The following LRRC27 variants were observed in gnomAD, a reference collection of about 807,000 sequenced individuals.
The protein encoded by LRRC27 is leucine-rich repeat-containing protein 27.
LRRC27 carries 57 observed loss-of-function variants against 55.0 expected under a neutral mutation model. The observed-to-expected ratio is 1.04, with a 90% confidence interval of 0.84 to 1.29. The LOEUF (loss-of-function observed/expected upper bound fraction) is 1.29. Ranked by LOEUF, LRRC27 falls within the 50% of genes most tolerant of loss-of-function variation. The pLI, the probability that LRRC27 is intolerant of heterozygous loss-of-function variation, is 0.00. For synonymous variants in LRRC27, 278 were observed against 251.9 expected (o/e 1.10, Z -0.98); for missense variants, 721 against 651.5 (o/e 1.11, Z -1.16).
chr10:132,338,683 C>T (rs941969371), intron 3 of LRRC27, among the ~76,000 whole-genome samples: 1 of 151,966 alleles, frequency 6.6e-6, no homozygotes, highest in Non-Finnish European at 1.5e-5. Flanking sequence ...CCATGATTGC[C>T]CTTAACTCTT....
chr10:132,364,652 ACTT>A (rs2068928475), intron 9 of LRRC27, among the ~76,000 whole-genome samples: 1 of 59,188 alleles, frequency 1.7e-5, no homozygotes, highest in Non-Finnish European at 3.3e-5. Context: ...ACCCACCCAC[ACTT>A]ACATCTACCT....
At chr10:132,336,879 A>G (rs1337102521) in intron 2 of LRRC27, 5 of 720,676 alleles carry the variant, frequency 6.9e-6, no homozygotes, top group Non-Finnish European at 1.0e-5. Context: ...AAAATTAGCT[A>G]TGATCCTTCC....
chr10:132,349,310 A>G (rs1414493406), intron 6 of LRRC27, among the ~76,000 whole-genome samples: 1 of 152,150 alleles, frequency 6.6e-6, no homozygotes, highest in East Asian at 1.9e-4. Flanking sequence ...GTGGCACCAG[A>G]CCTTCCCGGA....
chr10:132,343,792 T>C (rs1402871728), intron 4 of LRRC27, among the ~76,000 whole-genome samples: 1 of 152,222 alleles, frequency 6.6e-6, no homozygotes, highest in African/African-American at 2.4e-5. Flanking sequence ...CTCCCTCAGA[T>C]TGGGAAACGC....
intron 1 of LRRC27, chr10:132,332,492 G>A (rs970579684): frequency 1.3e-5 from 2 of 152,294 alleles, no homozygotes; most frequent in African/African-American, 4.8e-5. Context: ...ATCCCTTGAA[G>A]GCAGCCTCGG....
At chr10:132,338,478 A>G (rs145764141) in intron 3 of LRRC27, among the ~76,000 whole-genome samples, 2,217 of 152,230 alleles carry the variant, frequency 0.015, 45 homozygotes, top group South Asian at 0.049. Context: ...CTTCCCTTCC[A>G]GGAGTTTCCT....
chr10:132,333,802 C>A, intron 2 of LRRC27, 68 bp downstream of exon 2: 1 of 1,202,288 alleles, frequency 8.3e-7, no homozygotes, highest in Non-Finnish European at 1.2e-6. Context: ...GAATGTACCC[C>A]TGGGCTTTAT....
In LRRC27 at chr10:132,344,632, A is replaced by G; in HGVS notation, c.535A>G (p.Arg179Gly). Residue 179 changes from arginine (R) to glycine (G), a missense_variant, in exon 5 of 11, where the codon AGA (arginine) becomes GGA (glycine). Transcript: ENST00000368614. The part of the protein sequence containing the change: ...RMWAVEHSLP[R>G]NPTSQEAPPV... ...GTGGGCAGTAGAACACTCTCTCCCC[A>G]GAAATCCAACTTCTCAAGGTTTGTA... 2 of 1,613,958 alleles carry G rather than the reference A, an allele frequency of 1.2e-6. No individual in the cohort carries two copies. The highest frequency in any genetic ancestry group is 1.7e-6 in the Non-Finnish European group (2 of 1,179,830).
chr10:132,343,351 T>C (rs2067510390), intron 4 of LRRC27, among the ~76,000 whole-genome samples: 2 of 151,916 alleles, frequency 1.3e-5, no homozygotes, highest in African/African-American at 4.8e-5. Flanking sequence ...AAAACAAAAA[T>C]AAAAGAACAG....
intron 5 of LRRC27, among the ~76,000 whole-genome samples, chr10:132,346,327 A>G (rs1200083188): frequency 6.6e-6 from 1 of 152,260 alleles, no homozygotes; most frequent in African/African-American, 2.4e-5. Flanking sequence ...GGCCACATAG[A>G]GTGATTTTTC....
chr10:132,365,308 G>A, intron 9 of LRRC27, 116 bp from the exon 10 acceptor site: 5 of 1,406,972 alleles, frequency 3.6e-6, no homozygotes, highest in East Asian at 2.3e-5. Flanking sequence ...GGGAGCCTCA[G>A]GACCGCTGTT....
chr10:132,368,898 A>G (rs1003535362), intron 10 of LRRC27, among the ~76,000 whole-genome samples: 1 of 152,222 alleles, frequency 6.6e-6, no homozygotes, highest in Non-Finnish European at 1.5e-5. Flanking sequence ...GAAAAGATAC[A>G]CCCGATAAAG....
intron 2 of LRRC27, among the ~76,000 whole-genome samples, 179 bp downstream of exon 2, chr10:132,333,913 C>G (rs1247457555): frequency 6.6e-6 from 1 of 152,206 alleles, no homozygotes; most frequent in Non-Finnish European, 1.5e-5. Context: ...ATGGGAAATT[C>G]ATGATGGGGA....
At chr10:132,364,061 C>T (rs375603384) in intron 9 of LRRC27, among the ~76,000 whole-genome samples, 159 of 152,116 alleles carry the variant, frequency 1.0e-3, no homozygotes, top group African/African-American at 3.2e-3. Flanking sequence ...CACAGTGGCC[C>T]GCTAACCCCC....
At chr10:132,349,320 A>C (rs946939931) in intron 6 of LRRC27, among the ~76,000 whole-genome samples, 5 of 152,108 alleles carry the variant, frequency 3.3e-5, no homozygotes, top group African/African-American at 1.2e-4. Flanking sequence ...ACCTTCCCGG[A>C]GGTGTTGGCA....
At chr10:132,370,700 G>T (rs537173214) in intron 10 of LRRC27, among the ~76,000 whole-genome samples, 2 of 152,190 alleles carry the variant, frequency 1.3e-5, no homozygotes, top group African/African-American at 2.4e-5. Flanking sequence ...TTTAGGAAAC[G>T]ATCTTAATTA....
At chr10:132,331,792 G>A (rs372900819), upstream of LRRC27, 1,258 of 1,604,828 alleles carry the variant, frequency 7.8e-4, 10 homozygotes, top group Middle Eastern at 1.7e-3. Flanking sequence ...GACCCTCGCG[G>A]TCTCTACTTG....
chr10:132,352,487 GCGC>G (rs2068090336), intron 7 of LRRC27, among the ~76,000 whole-genome samples: 1 of 82,378 alleles, frequency 1.2e-5, no homozygotes, highest in Non-Finnish European at 2.5e-5. Context: ...TGTGGGGCAG[GCGC>G]TGAGGCCTCC....
At position 132,337,653 on chromosome 10, in the gene LRRC27, A is replaced by G. The variant is rs2138623441; in HGVS notation, c.299A>G (p.Tyr100Cys). The change falls in exon 3 of 11, where the codon TAC becomes TGC. Residue 100 changes from tyrosine to cysteine, a missense_variant. Tyr to Cys is a radical substitution (Grantham distance 194, BLOSUM62 -2). Coordinates refer to ENST00000368614, the MANE Select transcript of LRRC27 (RefSeq NM_030626.3). ...LPNLTWLDLR[Y>C]NRIKALPSGI... ...AACCTGACTTGGCTGGACCTCCGGTACAATAGAATTAAAGCGCTTCCTTCT... is the reference window on the plus strand; with the variant it reads ...AACCTGACTTGGCTGGACCTCCGGTGCAATAGAATTAAAGCGCTTCCTTCT... 6.2e-7 allele frequency: 1 copy of G among 1,614,238 alleles called. No individual in the cohort carries two copies. Among genetic ancestry groups the G allele is most frequent in the Non-Finnish European group, 8.5e-7 (1 of 1,180,024 alleles).
Sources: allele counts gnomAD v4.1 joint callset (sites outside exome capture counted in the v4.1 genomes callset), GRCh38; gene constraint gnomAD v4.1.1; transcripts MANE v1.5; gene names NCBI Gene and HGNC (gene_info 2026-07-23, HGNC 2026-07-21).